XKR9: variants seen among roughly 807,000 people sequenced by gnomAD.
The protein encoded by XKR9 is XK related 9.
Under a neutral mutation model 32.0 loss-of-function variants are expected in XKR9, and 32 were observed. The ratio of observed to expected loss-of-function variants is 1.00; its 90% CI spans 0.76 to 1.34. XKR9 has a LOEUF of 1.34. Ranked by LOEUF, XKR9 falls within the 40% of genes most tolerant of loss-of-function variation. The pLI is 0.00. For synonymous variants in XKR9, 168 were observed against 143.4 expected, an observed-to-expected ratio of 1.17 and a Z score of -1.22; for missense variants, 546 against 429.7, an observed-to-expected ratio of 1.27 and a Z score of -2.39.
chr8:71,045,236 T>A, the XKR9 span, among the ~76,000 whole-genome samples: 1 of 152,202 alleles, frequency 6.6e-6, no homozygotes, highest in Non-Finnish European at 1.5e-5. Flanking sequence ...AAATATATAC[T>A]CTCTGAGATT....
the XKR9 span, among the ~76,000 whole-genome samples, chr8:70,850,567 C>G: frequency 6.6e-6 from 1 of 151,836 alleles, no homozygotes; most frequent in Non-Finnish European, 1.5e-5. Flanking sequence ...AATCCAGCAG[C>G]ACATCATAGA....
At chr8:70,795,716 C>T in the XKR9 span, among the ~76,000 whole-genome samples, 2 of 152,036 alleles carry the variant, frequency 1.3e-5, no homozygotes, top group Non-Finnish European at 2.9e-5. Flanking sequence ...TTTTGATTTG[C>T]ATTTCTCTAA....
At chr8:70,752,173 A>G (rs6472543) in intron 2 of XKR9, among the ~76,000 whole-genome samples, 61,347 of 152,042 alleles carry the variant, frequency 0.4, 13,910 homozygotes, top group Non-Finnish European at 0.52. Flanking sequence ...AGATTTCCCT[A>G]TTCTGGACTT....
the XKR9 span, among the ~76,000 whole-genome samples, chr8:70,822,832 GAAAATTCATAGGT>G: frequency 6.6e-6 from 1 of 151,950 alleles, no homozygotes; most frequent in Non-Finnish European, 1.5e-5. Flanking sequence ...AAAACTCTAA[GAAAATTCATAGGT>G]AAAGAATACA....
At chr8:70,931,618 T>G in the XKR9 span, among the ~76,000 whole-genome samples, 1 of 152,194 alleles carries the variant, frequency 6.6e-6, no homozygotes, top group African/African-American at 2.4e-5. Flanking sequence ...AAAAGAGGTT[T>G]ATTTTGGCTC....
At chr8:70,852,397 G>T in the XKR9 span, among the ~76,000 whole-genome samples, 5 of 152,096 alleles carry the variant, frequency 3.3e-5, no homozygotes, top group African/African-American at 1.2e-4. Context: ...TCTAGAACTA[G>T]AAATACCTTT....
intron 2 of XKR9, among the ~76,000 whole-genome samples, chr8:70,777,139 A>T (rs1462897711): frequency 6.6e-6 from 1 of 150,952 alleles, no homozygotes; most frequent in Non-Finnish European, 1.5e-5. Flanking sequence ...CCCTTGTGTG[A>T]TGTTCCCCTC....
the XKR9 span, among the ~76,000 whole-genome samples, chr8:70,931,111 T>C: frequency 6.6e-6 from 1 of 150,926 alleles, no homozygotes; most frequent in Non-Finnish European, 1.5e-5. Flanking sequence ...ATAGTTGAAC[T>C]ATTTTGAAGA....
the XKR9 span, among the ~76,000 whole-genome samples, chr8:70,935,101 GTATA>G: frequency 1.5e-4 from 21 of 138,918 alleles, no homozygotes; most frequent in Non-Finnish European, 1.5e-4. Context: ...TGTTTCTTCA[GTATA>G]TATATATATA....
At chr8:70,887,564 A>G in the XKR9 span, among the ~76,000 whole-genome samples, 1 of 152,110 alleles carries the variant, frequency 6.6e-6, no homozygotes, top group East Asian at 1.9e-4. Context: ...TGAGCATTGA[A>G]TGTTTTTCTA....
chr8:70,994,649 C>T, the XKR9 span, among the ~76,000 whole-genome samples: 2 of 151,160 alleles, frequency 1.3e-5, no homozygotes, highest in Admixed American at 1.3e-4. Flanking sequence ...AGGTTCTTGG[C>T]CATTATTACT....
chr8:70,823,093 T>C, the XKR9 span, among the ~76,000 whole-genome samples: 1 of 152,200 alleles, frequency 6.6e-6, no homozygotes, highest in African/African-American at 2.4e-5. Flanking sequence ...AAGTGTTCAG[T>C]TTGCCTTCTG....
the XKR9 span, among the ~76,000 whole-genome samples, chr8:71,024,077 G>A: frequency 1.3e-5 from 2 of 152,182 alleles, no homozygotes; most frequent in African/African-American, 4.8e-5. Context: ...ATCCTCAGGT[G>A]GCGTACATGG....
the XKR9 span, among the ~76,000 whole-genome samples, chr8:71,009,944 G>A: frequency 3.3e-5 from 5 of 152,202 alleles, no homozygotes; most frequent in Non-Finnish European, 7.3e-5. Flanking sequence ...GACCAGTGCA[G>A]CCCATGCAAA....
intron 1 of XKR9, among the ~76,000 whole-genome samples, chr8:70,673,764 C>CA (rs372111324): frequency 1.1e-3 from 148 of 130,746 alleles, no homozygotes; most frequent in East Asian, 2.8e-3. Flanking sequence ...GACTCCATGT[C>CA]AAAAAAAAAA....
the XKR9 span, among the ~76,000 whole-genome samples, chr8:71,018,160 A>T: frequency 6.6e-6 from 1 of 152,178 alleles, no homozygotes; most frequent in African/African-American, 2.4e-5. Flanking sequence ...AGGATTGCAG[A>T]CAGCATGGGA....
intron 4 of XKR9, among the ~76,000 whole-genome samples, chr8:70,719,420 G>A (rs1806201475): frequency 6.6e-6 from 1 of 152,100 alleles, no homozygotes; most frequent in Admixed American, 6.6e-5. Context: ...TTTTCTTCTA[G>A]GGTTTTTATG....
the XKR9 span, among the ~76,000 whole-genome samples, chr8:70,858,021 C>T: frequency 2.0e-5 from 3 of 152,082 alleles, no homozygotes; most frequent in Non-Finnish European, 4.4e-5. Flanking sequence ...ACTGAATGGG[C>T]AAAAACAGGA....
At chr8:70,722,691 G>A (rs1052633357) in intron 4 of XKR9, among the ~76,000 whole-genome samples, 1 of 152,230 alleles carries the variant, frequency 6.6e-6, no homozygotes, top group East Asian at 1.9e-4. Context: ...GCTTCTCTTT[G>A]TAGATGACCT....
Sources: gnomAD v4.1 joint callset for allele counts (sites outside exome capture counted in the v4.1 genomes callset) on GRCh38, gnomAD v4.1.1 for gene constraint, MANE v1.5 for transcripts, NCBI Gene and HGNC (gene_info 2026-07-23, HGNC 2026-07-21) for gene names.